The following QTMAN variants were observed in gnomAD, a reference collection of about 807,000 sequenced individuals.
QTMAN encodes tRNA-queuosine alpha-mannosyltransferase.
chr2:143,950,348 T>G, the QTMAN span, among the ~76,000 whole-genome samples: 1 of 151,836 alleles, frequency 6.6e-6, no homozygotes, highest in Non-Finnish European at 1.5e-5. Flanking sequence ...GTAAAATAAA[T>G]AATTATAGCT....
the QTMAN span, among the ~76,000 whole-genome samples, chr2:144,152,535 A>G: frequency 2.0e-5 from 3 of 152,330 alleles, no homozygotes; most frequent in Non-Finnish European, 2.9e-5. Context: ...AGAGAGGGTG[A>G]GCCTACTATT....
At chr2:143,974,748 A>AT in the QTMAN span, among the ~76,000 whole-genome samples, 2 of 152,016 alleles carry the variant, frequency 1.3e-5, no homozygotes, top group Admixed American at 1.3e-4. Context: ...TTTAATAAAC[A>AT]TTTTTATAGA....
At chr2:143,953,860 TTG>T in the QTMAN span, among the ~76,000 whole-genome samples, 1 of 152,002 alleles carries the variant, frequency 6.6e-6, no homozygotes, top group African/African-American at 2.4e-5. Context: ...AGTGTTTACC[TTG>T]TTTATTTACA....
At chr2:144,186,601 T>G in the QTMAN span, among the ~76,000 whole-genome samples, 1 of 152,212 alleles carries the variant, frequency 6.6e-6, no homozygotes, top group Middle Eastern at 3.2e-3. Context: ...TGTCACACTT[T>G]CTAGCTGAAA....
At chr2:144,108,800 C>G in the QTMAN span, among the ~76,000 whole-genome samples, 1 of 152,150 alleles carries the variant, frequency 6.6e-6, no homozygotes, top group Non-Finnish European at 1.5e-5. Flanking sequence ...CATGAGTGAA[C>G]TCCTATTCAC....
the QTMAN span, among the ~76,000 whole-genome samples, chr2:143,987,874 C>T: frequency 2.6e-5 from 4 of 152,146 alleles, no homozygotes; most frequent in African/African-American, 9.7e-5. Context: ...CTAACCCTCC[C>T]AACTTCCCGC....
the QTMAN span, among the ~76,000 whole-genome samples, chr2:144,080,371 A>G: frequency 6.6e-6 from 1 of 152,152 alleles, no homozygotes; most frequent in Non-Finnish European, 1.5e-5. Context: ...TAGGAGGCAT[A>G]ACTCCAAAGA....
At chr2:143,951,910 GTTT>G in the QTMAN span, 1 of 757,704 alleles carries the variant, frequency 1.3e-6, no homozygotes, top group South Asian at 1.6e-5. Context: ...TTAATTAAAT[GTTT>G]TTTTTTAAGA....
At chr2:144,202,631 CGTTTA>C in the QTMAN span, among the ~76,000 whole-genome samples, 483 of 152,182 alleles carry the variant, frequency 3.2e-3, 2 homozygotes, top group African/African-American at 0.011. Context: ...TTTTTTTCCC[CGTTTA>C]TTTTCCATTC....
At chr2:144,290,365 C>T in the QTMAN span, among the ~76,000 whole-genome samples, 3 of 152,324 alleles carry the variant, frequency 2.0e-5, no homozygotes, top group Admixed American at 1.3e-4. Context: ...CATTTCTTCT[C>T]ACATATACTG....
the QTMAN span, among the ~76,000 whole-genome samples, chr2:144,311,431 C>T: frequency 1.3e-5 from 2 of 152,110 alleles, no homozygotes; most frequent in South Asian, 2.1e-4. Flanking sequence ...TGATAATGCA[C>T]GCTATAGCTC....
chr2:144,091,115 T>G, the QTMAN span, among the ~76,000 whole-genome samples: 9 of 152,032 alleles, frequency 5.9e-5, no homozygotes, highest in African/African-American at 1.9e-4. Context: ...TGAGAAAATA[T>G]AGTTTTGTTC....
the QTMAN span, among the ~76,000 whole-genome samples, chr2:144,320,886 C>T: frequency 6.6e-6 from 1 of 152,136 alleles, no homozygotes; most frequent in African/African-American, 2.4e-5. Flanking sequence ...GTTATGATTG[C>T]CCCTGAAGTT....
chr2:144,035,753 GA>G, the QTMAN span, among the ~76,000 whole-genome samples: 1 of 152,170 alleles, frequency 6.6e-6, no homozygotes, highest in Non-Finnish European at 1.5e-5. Context: ...TTTGAGAACA[GA>G]ATTGGCTTAT....
the QTMAN span, among the ~76,000 whole-genome samples, chr2:144,310,267 T>G: frequency 1.3e-5 from 2 of 152,006 alleles, no homozygotes; most frequent in Non-Finnish European, 2.9e-5. Context: ...AGAAACAATA[T>G]GGTGTCAAAC....
chr2:143,947,749 C>CT, the QTMAN span, among the ~76,000 whole-genome samples: 5 of 152,318 alleles, frequency 3.3e-5, no homozygotes, highest in South Asian at 1.0e-3. Flanking sequence ...GACAAAACCT[C>CT]TAACTGATCT....
At chr2:144,107,276 T>C in the QTMAN span, among the ~76,000 whole-genome samples, 4 of 151,582 alleles carry the variant, frequency 2.6e-5, no homozygotes, top group South Asian at 2.1e-4. Flanking sequence ...CTGAAGGAAA[T>C]AGAGACACAA....
At chr2:144,116,865 G>T in the QTMAN span, among the ~76,000 whole-genome samples, 3 of 152,156 alleles carry the variant, frequency 2.0e-5, no homozygotes, top group Admixed American at 2.0e-4. Context: ...AAGAGCTCAG[G>T]TCTTACTTGA....
the QTMAN span, among the ~76,000 whole-genome samples, chr2:144,260,548 C>A: frequency 6.6e-6 from 1 of 151,930 alleles, no homozygotes; most frequent in African/African-American, 2.4e-5. Flanking sequence ...CTCAGAAGAG[C>A]AAATCATACA....
Sources: allele counts gnomAD v4.1 joint callset (sites outside exome capture counted in the v4.1 genomes callset), GRCh38; gene constraint gnomAD v4.1.1; transcripts MANE v1.5; gene names NCBI Gene and HGNC (gene_info 2026-07-23, HGNC 2026-07-21).